The following PPP1R18 variants were observed in gnomAD, a reference collection of about 807,000 sequenced individuals.
PPP1R18 encodes protein phosphatase 1 regulatory subunit 18.
In PPP1R18, 31 loss-of-function variants were observed where a neutral mutation model predicts 54.8. The ratio of observed to expected loss-of-function variants is 0.57; its 90% CI spans 0.43 to 0.76. The LOEUF is 0.76. PPP1R18 is among the 30% of genes least tolerant of loss of function. The pLI, the probability that PPP1R18 is intolerant of heterozygous loss-of-function variation, is 0.00. For synonymous variants in PPP1R18, 310 were observed against 320.2 expected (o/e 0.97, Z 0.34); for missense variants, 685 against 776.1 (o/e 0.88, Z 1.39).
At chr6:30,678,289 A>G (rs965690941) in intron 2 of PPP1R18, among the ~76,000 whole-genome samples, 8 of 151,842 alleles carry the variant, frequency 5.3e-5, no homozygotes, top group Non-Finnish European at 1.2e-4. Context: ...GGTTCACTGC[A>G]GCCTCCAACT....
intron 1 of PPP1R18, among the ~76,000 whole-genome samples, chr6:30,682,172 C>G (rs1205107353): frequency 3.9e-5 from 6 of 152,128 alleles, no homozygotes; most frequent in Non-Finnish European, 7.4e-5. Flanking sequence ...TGCCTGTCTC[C>G]TCACCCCCCA....
At position 30,684,460 on chromosome 6, in the gene PPP1R18, C is replaced by T. The variant is rs758480498; in HGVS notation, c.1559G>A (p.Arg520His). 1.2e-4 allele frequency: 193 copies of T among 1,603,832 alleles called. 3 individuals are homozygous for T. In the South Asian group the frequency reaches 1.6e-3, roughly 13 times the overall value. ...EEILVLGGYL[R>H]LSRSCLAKGS... is the part of the protein sequence containing the mutation. ...CTTGGCAAGGCAGCTGCGGCTGAGA[C>T]GGAGGTAGCCCCCCAGAACCAAGAT... The change falls in exon 1 of 3, where the codon CGT becomes CAT. Residue 520 changes from arginine (R) to histidine (H), a missense_variant. Transcript: ENST00000274853. This position sits in a 1 kb window ranked among gnomAD's most constrained non-coding sequence, Gnocchi z 6.0.
In PPP1R18 at chr6:30,685,697, G is replaced by A. The variant is rs1344472455; in HGVS notation, c.322C>T (p.Leu108=). The A allele has an allele frequency of 1.2e-6, 2 of 1,613,118 alleles. No homozygotes were observed. The highest frequency in any genetic ancestry group is 2.2e-5 in the East Asian group (1 of 44,888). The change falls in exon 1 of 3, where the codon CTG becomes TTG. Residue 108 remains leucine (L), a synonymous_variant. Transcript: ENST00000274853. The surrounding 1 kb of genome is among the most constrained non-coding windows in gnomAD (Gnocchi z 5.0). The part of the protein sequence containing the change: ...QQQQQQRSEE[L]LAERKPGPLE... Reference sequence around the variant, plus strand: ...GGCCCAGGCTTTCTCTCTGCTAGCAGCTCTTCACTCCGTTGTTGTTGCTGC... The same window carrying A: ...GGCCCAGGCTTTCTCTCTGCTAGCAACTCTTCACTCCGTTGTTGTTGCTGC...
rs1046486563 is a variant in PPP1R18 at position 30,676,483 on chromosome 6, G to C, written c.*786C>G. On this transcript the variant is annotated 3_prime_UTR_variant, in exon 3 of 3. Coordinates refer to ENST00000274853, the MANE Select transcript of PPP1R18 (RefSeq NM_133471.4). ...CGGCACAATGGGGAAGGAGAGGTGA[G>C]GTGTCTCCTTAGCCACCCGACACCA... 6.6e-6 allele frequency: 1 copy of C among 152,156 alleles called. No homozygotes were observed. Among genetic ancestry groups the C allele is most frequent in the Non-Finnish European group, 1.5e-5 (1 of 68,052 alleles). The allele number at this position is 152,156 out of a possible 1,614,324, so 9.4% of individuals were successfully genotyped here. A position where few individuals can be genotyped will look rare whatever the true frequency, so the allele number is the denominator to read the frequency against.
Position 30,679,402 on chromosome 6 carries a change from GA to G in PPP1R18, c.1612-14del, listed in dbSNP as rs1183084914. The stretch of plus-strand genomic sequence containing the variant: ...AGGAGATCTTAAGCTGAAGGAGGGA[GA>G]AAAAGGGGGCAGGAGGCAAGGTCAG... On this transcript the variant is annotated splice_polypyrimidine_tract_variant and intron_variant, in intron 1 of 2. Coordinates refer to ENST00000274853, the MANE Select transcript of PPP1R18 (RefSeq NM_133471.4). The G allele has an allele frequency of 7.9e-6, 11 of 1,399,052 alleles. No individual in the cohort carries two copies. Among genetic ancestry groups the G allele is most frequent in the Non-Finnish European group, 4.8e-6 (5 of 1,041,784 alleles). 86.7% of individuals were successfully genotyped at this position (1,399,052 alleles called of 1,614,324 possible).
intron 1 of PPP1R18, among the ~76,000 whole-genome samples, chr6:30,682,363 G>T (rs998969393): frequency 5.3e-5 from 8 of 152,206 alleles, no homozygotes. Flanking sequence ...CTGGGCTCCA[G>T]TGGCAGGGCT....
Position 30,685,659 on chromosome 6 carries a change from C to T in PPP1R18, c.360G>A (p.Arg120=), listed in dbSNP as rs778926965. The change falls in exon 1 of 3, where the codon CGG becomes CGA. Residue 120 remains arginine, a synonymous_variant. Transcript: ENST00000274853. The surrounding 1 kb of genome is among the most constrained non-coding windows in gnomAD (Gnocchi z 5.0). The part of the protein sequence containing the change: ...AERKPGPLEA[R]ERRPSPGEMR... ...TCTCCCCAGGGCTGGGTCTCCGCTC[C>T]CGGGCCTCCAGAGGCCCAGGCTTTC... 1.2e-6 allele frequency: 2 copies of T among 1,612,962 alleles called. No individual in the cohort carries two copies. The highest frequency in any genetic ancestry group is 2.7e-5 in the African/African-American group (2 of 74,940).
In PPP1R18 at chr6:30,685,965, C is replaced by T. The variant is rs759058423; in HGVS notation, c.54G>A (p.Glu18=). ...TCTCTCGGCCTCGAACGGACGCCTC[C>T]TCCTGCCGGCGCCGGGCTAGCAGCT... ...KLQLLARRRQ[E]EASVRGREKA... Residue 18 remains glutamate (E), a synonymous_variant, in exon 1 of 3, where the codon GAG becomes GAA. Coordinates refer to ENST00000274853, the MANE Select transcript of PPP1R18 (RefSeq NM_133471.4). This position sits in a 1 kb window ranked among gnomAD's most constrained non-coding sequence, Gnocchi z 5.0. 7.5e-6 allele frequency: 12 copies of T among 1,599,110 alleles called. No individual in the cohort carries two copies. In the South Asian group the frequency reaches 1.3e-4, roughly 18 times the overall value.
In PPP1R18 at chr6:30,685,330, T is replaced by G; in HGVS notation, c.689A>C (p.Tyr230Ser). 1 of 1,613,136 alleles carries G rather than the reference T, an allele frequency of 6.2e-7. No homozygotes were observed. The highest frequency in any genetic ancestry group is 8.5e-7 in the Non-Finnish European group (1 of 1,180,046). Residue 230 changes from tyrosine (Y) to serine (S), a missense_variant, in exon 1 of 3, where the codon TAC (tyrosine) becomes TCC (serine). Tyr to Ser is a moderately radical substitution (Grantham distance 144). Transcript: ENST00000274853. This position sits in a 1 kb window ranked among gnomAD's most constrained non-coding sequence, Gnocchi z 5.0. ...GGCCTCTGTCAGGCCCAACTTCTGG[T>G]AGGCAGATTCCCCTGGGCTCAGTCT... ...ESRLSPGESA[Y>S]QKLGLTEAHK...
At position 30,683,604 on chromosome 6, in the gene PPP1R18, G is replaced by A. The variant is rs1296858205; in HGVS notation, c.1611+804C>T. ...TCCCTGAGCCAGTTCTTGGGAGGGA[G>A]GGGAAACCCAGGGAGGAAGGACAGG... On this transcript the variant is annotated intron_variant, in intron 1 of 2. Transcript: ENST00000274853. This position sits in a 1 kb window ranked among gnomAD's most constrained non-coding sequence, Gnocchi z 5.1. Among the ~76,000 whole-genome samples, 2 of 152,188 alleles carry A rather than the reference G, an allele frequency of 1.3e-5. No homozygotes were observed. The highest frequency in any genetic ancestry group is 2.9e-5 in the Non-Finnish European group (2 of 68,024).
At chr6:30,679,447 GGGTTGAGGGAGAGAAA>G in intron 1 of PPP1R18, 58 bp from the exon 2 acceptor site, 1 of 1,214,214 alleles carries the variant, frequency 8.2e-7, no homozygotes, top group Non-Finnish European at 1.1e-6. Context: ...AAGCCCGCGG[GGGTTGAGGGAGAGAAA>G]GCGGGGGCGG....
At chr6:30,677,428 C>T (rs1770262015) in intron 2 of PPP1R18, 140 bp from the exon 3 acceptor site, 1 of 652,124 alleles carries the variant, frequency 1.5e-6, no homozygotes, top group Non-Finnish European at 2.6e-6. Flanking sequence ...CATGTTACCA[C>T]CAGTAACCAC....
chr6:30,679,262 G>A lies in PPP1R18; in HGVS notation c.1739C>T (p.Pro580Leu). The A allele has an allele frequency of 6.4e-7, 1 of 1,567,210 alleles. No homozygotes were observed. Among genetic ancestry groups the A allele is most frequent in the Non-Finnish European group, 8.6e-7 (1 of 1,156,368 alleles). The change falls in exon 2 of 3, where the codon CCC (proline) becomes CTC (leucine). Residue 580 changes from proline to leucine, a missense_variant. Pro to Leu is a moderately conservative substitution (Grantham distance 98). Coordinates refer to ENST00000274853, the MANE Select transcript of PPP1R18 (RefSeq NM_133471.4). ...CTCTTCCTCATCCTCTTCGTCGTCG[G>A]GTTGGGCTGCTGGAGGGTTGGGGGC... ...PSAPNPPAAQ[P>L]DDEEDEEELL... is the part of the protein sequence containing the mutation.
chr6:30,677,198 C>G lies in PPP1R18; in HGVS notation c.*71G>C. 1 of 1,424,250 alleles carries G rather than the reference C, an allele frequency of 7.0e-7. No homozygotes were observed. Among genetic ancestry groups the G allele is most frequent in the African/African-American group, 1.4e-5 (1 of 71,100 alleles). 88.2% of individuals were successfully genotyped at this position (1,424,250 alleles called of 1,614,324 possible). A position where few individuals can be genotyped will look rare whatever the true frequency, so the allele number is the denominator to read the frequency against. ...AGGCTCATTATCAGGGTCTGTCTGC[C>G]CTGAATCTTCCGGGCTCCAGGATCT... On this transcript the variant is annotated 3_prime_UTR_variant, in exon 3 of 3. Transcript: ENST00000274853.
At chr6:30,688,383 G>A (rs1311445890), upstream of PPP1R18, 2 of 537,382 alleles carry the variant, frequency 3.7e-6, no homozygotes, top group East Asian at 3.1e-5. The surrounding 1 kb of genome is among the most constrained non-coding windows in gnomAD (Gnocchi z 5.9). Context: ...GGAGGCTGTT[G>A]AGGGGGAGAG....
Position 30,685,157 on chromosome 6 carries a change from C to G in PPP1R18, c.862G>C (p.Ala288Pro), listed in dbSNP as rs1455843193. 1 of 1,613,100 alleles carries G rather than the reference C, an allele frequency of 6.2e-7. No individual in the cohort carries two copies. Among genetic ancestry groups the G allele is most frequent in the Non-Finnish European group, 8.5e-7 (1 of 1,180,034 alleles). Residue 288 changes from alanine (A) to proline (P), a missense_variant, in exon 1 of 3, where the codon GCT (alanine) becomes CCT (proline). Physicochemically the swap from Ala to Pro is conservative, Grantham distance 27 (BLOSUM62 -1). Coordinates refer to ENST00000274853, the MANE Select transcript of PPP1R18 (RefSeq NM_133471.4). This position sits in a 1 kb window ranked among gnomAD's most constrained non-coding sequence, Gnocchi z 5.0. Reference sequence around the variant, plus strand: ...GACAGCTCTGCAGTCTCTTTTGGAGCTACCCCTGGAACTGGCCACTCTTCT... The same window carrying G: ...GACAGCTCTGCAGTCTCTTTTGGAGGTACCCCTGGAACTGGCCACTCTTCT... ...RKEEWPVPGV[A>P]PKETAELSET...
In PPP1R18 at chr6:30,686,152, G is replaced by T; in HGVS notation, c.-134C>A. 1 of 878,178 alleles carries T rather than the reference G, an allele frequency of 1.1e-6. No homozygotes were observed. The highest frequency in any genetic ancestry group is 1.8e-6 in the Non-Finnish European group (1 of 570,890). 54.4% of individuals were successfully genotyped at this position (878,178 alleles called of 1,614,324 possible). On this transcript the variant is annotated 5_prime_UTR_variant, in exon 1 of 3. Transcript: ENST00000274853. ...TGGAGGGGGAGAGGTGGGACACAAAGCAGGGCAGAGGGGCTAAGGATGAGG... is the reference window on the plus strand; with the variant it reads ...TGGAGGGGGAGAGGTGGGACACAAATCAGGGCAGAGGGGCTAAGGATGAGG...
intron 2 of PPP1R18, among the ~76,000 whole-genome samples, chr6:30,677,747 T>C (rs1395361436): frequency 1.3e-5 from 2 of 152,078 alleles, no homozygotes; most frequent in East Asian, 3.9e-4. Flanking sequence ...CTAGAGAGGC[T>C]GAGGCACAAG....
chr6:30,686,748 G>A (rs1770984657), upstream of PPP1R18: 2 of 151,602 alleles, frequency 1.3e-5, no homozygotes, highest in Non-Finnish European at 2.9e-5. Context: ...CGGGTCGGGG[G>A]AAATAGCCAC....
Sources: gnomAD v4.1 joint callset for allele counts (sites outside exome capture counted in the v4.1 genomes callset) on GRCh38, gnomAD v4.1.1 for gene constraint, Gnocchi (gnomAD v3.1) non-coding constraint, MANE v1.5 for transcripts, NCBI Gene and HGNC (gene_info 2026-07-23, HGNC 2026-07-21) for gene names.